The following ABCD3 variants were observed in gnomAD, a reference collection of about 807,000 sequenced individuals.
ABCD3 encodes ATP-binding cassette sub-family D member 3.
Under a neutral mutation model 105.5 loss-of-function variants are expected in ABCD3, and 41 were observed. That is an observed-to-expected ratio of 0.39 (90% CI 0.30 to 0.50). The LOEUF is 0.50. Ranked by LOEUF, ABCD3 falls within the 20% of genes least tolerant of loss-of-function variation. ABCD3 has a pLI of 0.84. For synonymous variants in ABCD3, 258 were observed against 269.0 expected (o/e 0.96, Z 0.40); for missense variants, 622 against 806.3 (o/e 0.77, Z 2.77).
chr1:94,478,736 T>C, intron 8 of ABCD3: 1 of 884,438 alleles, frequency 1.1e-6, no homozygotes, highest in African/African-American at 1.7e-5. Flanking sequence ...TACTTGTACT[T>C]ATTGTTTCAA....
chr1:94,406,932 G>A, the ABCD3 span: 4 of 153,106 alleles, frequency 2.6e-5, no homozygotes, highest in Non-Finnish European at 5.8e-5. Context: ...GCTATAGTAT[G>A]TTTCACTATC....
the ABCD3 span, among the ~76,000 whole-genome samples, chr1:94,395,098 G>C: frequency 6.6e-6 from 1 of 152,110 alleles, no homozygotes; most frequent in Admixed American, 6.6e-5. Flanking sequence ...TAAATGCCTT[G>C]GGTATCCTCC....
intron 1 of ABCD3, among the ~76,000 whole-genome samples, chr1:94,436,773 G>C (rs1035846768): frequency 1.3e-5 from 2 of 152,042 alleles, no homozygotes; most frequent in Non-Finnish European, 2.9e-5. Context: ...TAATTGTTTT[G>C]GGGTGCCATG....
intron 1 of ABCD3, chr1:94,419,000 T>C (rs948031774): frequency 2.9e-5 from 6 of 206,988 alleles, no homozygotes; most frequent in African/African-American, 9.5e-5. Flanking sequence ...AGGATTTGTT[T>C]TGGGGACGTG....
At chr1:94,464,732 T>A in intron 2 of ABCD3, 43 bp from the exon 3 acceptor site, 1 of 1,490,048 alleles carries the variant, frequency 6.7e-7, no homozygotes. Context: ...TTATGATATG[T>A]TTGTTATAGC....
At chr1:94,418,357 C>A, upstream of ABCD3, 2 of 835,140 alleles carry the variant, frequency 2.4e-6, no homozygotes, top group South Asian at 1.6e-5. Context: ...AGGGGGCGGT[C>A]CTGCGCGGCC....
At chr1:94,472,611 G>T (rs951391723) in intron 4 of ABCD3, among the ~76,000 whole-genome samples, 1 of 152,092 alleles carries the variant, frequency 6.6e-6, no homozygotes, top group African/African-American at 2.4e-5. Flanking sequence ...CCCTCTCAGA[G>T]AGTTAAAATG....
intron 1 of ABCD3, among the ~76,000 whole-genome samples, chr1:94,422,329 G>A (rs372954058): frequency 4.6e-4 from 70 of 152,280 alleles, no homozygotes; most frequent in South Asian, 1.7e-3. Context: ...GCGTGAACCT[G>A]TTGTAAACTG....
At chr1:94,484,618 A>G (rs1008383463) in intron 10 of ABCD3, among the ~76,000 whole-genome samples, 1 of 152,088 alleles carries the variant, frequency 6.6e-6, no homozygotes, top group African/African-American at 2.4e-5. Flanking sequence ...GGGGAACACC[A>G]CACACCGGGG....
chr1:94,469,388 A>G (rs1020208470), intron 4 of ABCD3, among the ~76,000 whole-genome samples: 7 of 151,280 alleles, frequency 4.6e-5, no homozygotes, highest in South Asian at 2.1e-4. Flanking sequence ...GATTTTGACT[A>G]TTGCTTACAG....
chr1:94,445,837 A>G (rs960548784), intron 1 of ABCD3, among the ~76,000 whole-genome samples: 2 of 152,200 alleles, frequency 1.3e-5, no homozygotes, highest in Non-Finnish European at 2.9e-5. Flanking sequence ...GCTTTCGGCA[A>G]TGCTAATCCC....
chr1:94,488,721 T>C (rs1479757575), intron 13 of ABCD3, among the ~76,000 whole-genome samples: 1 of 152,104 alleles, frequency 6.6e-6, no homozygotes, highest in African/African-American at 2.4e-5. Context: ...GTCTCTTTCA[T>C]GAGAATACTA....
chr1:94,488,060 G>T (rs1570808140), intron 13 of ABCD3, 77 bp downstream of exon 13: 2 of 1,243,024 alleles, frequency 1.6e-6, no homozygotes, highest in East Asian at 5.1e-5. Flanking sequence ...TATCAGTTGA[G>T]ATTAAGATAA....
At chr1:94,429,867 G>A (rs1659607625) in intron 1 of ABCD3, among the ~76,000 whole-genome samples, 1 of 152,218 alleles carries the variant, frequency 6.6e-6, no homozygotes, top group Non-Finnish European at 1.5e-5. Context: ...GCCATGAGAA[G>A]AGGGCCACTG....
intron 20 of ABCD3, among the ~76,000 whole-genome samples, chr1:94,501,615 T>G (rs1281842079): frequency 6.6e-6 from 1 of 152,208 alleles, no homozygotes; most frequent in Non-Finnish European, 1.5e-5. Flanking sequence ...CCTAGCCACT[T>G]AGAACAGTGA....
Position 94,498,440 on chromosome 1 carries a change from C to T in ABCD3, c.1387-162C>T, listed in dbSNP as rs114923818. Among the ~76,000 whole-genome samples, 324 of 152,192 alleles carry T rather than the reference C, an allele frequency of 2.1e-3. 2 individuals are homozygous for T. The highest frequency in any genetic ancestry group is 7.6e-3 in the African/African-American group (316 of 41,522). ...AAGTAAACAAAGTAAAAGGTCCCTT[C>T]ACAATACCTCTTCACTGCTCTACCT... On this transcript the variant is annotated intron_variant, in intron 16 of 22. Transcript: ENST00000370214.
chr1:94,511,974 A>C (rs1254750519), intron 21 of ABCD3, among the ~76,000 whole-genome samples: 8 of 152,088 alleles, frequency 5.3e-5, no homozygotes, highest in Admixed American at 5.2e-4. Flanking sequence ...GATCGTCTGA[A>C]GCCTTCTTCT....
intron 15 of ABCD3, 63 bp downstream of exon 15, chr1:94,490,038 T>G: frequency 6.9e-7 from 1 of 1,439,664 alleles, no homozygotes; most frequent in African/African-American, 1.4e-5. Flanking sequence ...GTAGTCTTTC[T>G]TTTTCAGCTT....
chr1:94,458,782 T>G, intron 2 of ABCD3, 139 bp downstream of exon 2: 1 of 824,138 alleles, frequency 1.2e-6, no homozygotes, highest in Non-Finnish European at 2.0e-6. Flanking sequence ...ATTACAGGAA[T>G]ACTCTCTGAA....
Sources: gnomAD v4.1 joint callset for allele counts (sites outside exome capture counted in the v4.1 genomes callset) on GRCh38, gnomAD v4.1.1 for gene constraint, MANE v1.5 for transcripts, NCBI Gene and HGNC (gene_info 2026-07-23, HGNC 2026-07-21) for gene names.